TENM1: variants seen among roughly 807,000 people sequenced by gnomAD.
TENM1 encodes the protein teneurin-1.
TENM1 carries 35 observed loss-of-function variants against 174.8 expected under a neutral mutation model. The observed-to-expected ratio is 0.20, with a 90% confidence interval of 0.15 to 0.27. TENM1 has a LOEUF of 0.27. Among genes scored for constraint, TENM1 ranks in the 10% least tolerant of loss-of-function variants. The probability of loss-of-function intolerance (pLI) is 1.00; values close to 1 mark genes in which losing one functional copy is unlikely to be tolerated. For synonymous variants in TENM1, 781 were observed against 798.7 expected (o/e 0.98, Z 0.37); for missense variants, 1,633 against 2,130.1 (o/e 0.77, Z 4.59).
chrX:124,383,312 T>A (rs1244143969), intron 30 of TENM1, among the ~76,000 whole-genome samples: 1 of 111,538 alleles, frequency 9.0e-6, no homozygotes, highest in East Asian at 2.8e-4. Flanking sequence ...GAGTGTTGAT[T>A]TGTGGATAAC....
intron 14 of TENM1, among the ~76,000 whole-genome samples, chrX:124,559,597 G>C (rs1166337203): frequency 3.6e-5 from 4 of 110,665 alleles, no homozygotes; most frequent in Non-Finnish European, 7.6e-5. Context: ...GAGCTCCAGA[G>C]GCAGAGGTTG....
At chrX:124,771,579 G>T (rs1046133500) in intron 3 of TENM1, among the ~76,000 whole-genome samples, 1 of 112,461 alleles carries the variant, frequency 8.9e-6, no homozygotes. Flanking sequence ...ATCCTTAAAT[G>T]TCAGTTTAAA....
At chrX:124,683,010 C>A (rs942324939) in intron 5 of TENM1, among the ~76,000 whole-genome samples, 1 of 111,207 alleles carries the variant, frequency 9.0e-6, no homozygotes, top group Non-Finnish European at 1.9e-5. Context: ...AGGACGTTGA[C>A]AATAGAAGAA....
In TENM1 at chrX:124,788,025, C is replaced by A. The variant is rs139837970; in HGVS notation, c.536-50828G>T. On this transcript the variant is annotated intron_variant, in intron 3 of 31. Coordinates refer to ENST00000422452, the Ensembl canonical transcript of TENM1. ...GCAGCAGGCAAAAAGGGAGCTTGTG[C>A]GGGGCAACTCCCGTTTTAAAAACCA... is the stretch of plus-strand genomic sequence containing the variant. Among the ~76,000 whole-genome samples the A allele has an allele frequency of 3.8e-3, 418 of 111,274 alleles. 1 individual carries two copies. The highest frequency in any genetic ancestry group is 0.013 in the African/African-American group (386 of 30,570).
chrX:125,180,604 A>G, the TENM1 span, among the ~76,000 whole-genome samples: 1 of 110,812 alleles, frequency 9.0e-6, no homozygotes. Flanking sequence ...CTTAAGCAAG[A>G]AAGAGGTTCA....
chrX:124,957,404 C>T (rs1469548091), intron 1 of TENM1, among the ~76,000 whole-genome samples: 5 of 110,196 alleles, frequency 4.5e-5, no homozygotes, highest in African/African-American at 1.7e-4. Flanking sequence ...GCCAACATGG[C>T]GAAACTTCGT....
intron 5 of TENM1, among the ~76,000 whole-genome samples, chrX:124,695,657 C>A (rs774198062): frequency 1.8e-5 from 2 of 111,716 alleles, no homozygotes; most frequent in Admixed American, 9.5e-5. Flanking sequence ...GAACTATATT[C>A]TTTAATTTGC....
At chrX:125,091,446 A>G in the TENM1 span, among the ~76,000 whole-genome samples, 9 of 111,672 alleles carry the variant, frequency 8.1e-5, no homozygotes, top group African/African-American at 2.9e-4. Flanking sequence ...GTTCCACTAC[A>G]TTTGGACACC....
intron 23 of TENM1, among the ~76,000 whole-genome samples, chrX:124,425,031 C>T (rs1336027367): frequency 2.7e-5 from 3 of 111,525 alleles, no homozygotes; most frequent in South Asian, 3.8e-4. Flanking sequence ...TGGATTAATA[C>T]GGTGTCCTCC....
the TENM1 span, among the ~76,000 whole-genome samples, chrX:125,095,653 T>C: frequency 8.9e-6 from 1 of 111,769 alleles, no homozygotes; most frequent in East Asian, 2.8e-4. Context: ...AGACAGAAAA[T>C]TACAATACAA....
At chrX:125,058,402 C>A in the TENM1 span, among the ~76,000 whole-genome samples, 1 of 111,431 alleles carries the variant, frequency 9.0e-6, no homozygotes, top group African/African-American at 3.3e-5. Context: ...TATGGCAATG[C>A]GGCAATAACT....
intron 11 of TENM1, among the ~76,000 whole-genome samples, chrX:124,593,485 C>T (rs910007286): frequency 1.8e-5 from 2 of 111,249 alleles, no homozygotes; most frequent in Non-Finnish European, 3.8e-5. Flanking sequence ...AATTTATGTC[C>T]GTGAAGGGTG....
intron 3 of TENM1, among the ~76,000 whole-genome samples, chrX:124,772,484 T>G (rs1395607125): frequency 8.9e-6 from 1 of 111,990 alleles, no homozygotes; most frequent in African/African-American, 3.2e-5. Flanking sequence ...CGGGGTAAGA[T>G]TCAACTAGTA....
At chrX:125,036,745 A>C in the TENM1 span, among the ~76,000 whole-genome samples, 1 of 111,904 alleles carries the variant, frequency 8.9e-6, no homozygotes. Flanking sequence ...CAGCGGTACC[A>C]TCAGGCTTCC....
intron 1 of TENM1, among the ~76,000 whole-genome samples, chrX:124,912,925 A>G (rs1344441765): frequency 9.0e-6 from 1 of 111,607 alleles, no homozygotes; most frequent in Non-Finnish European, 1.9e-5. Context: ...TTGAATTATA[A>G]TTATTCATAT....
intron 3 of TENM1, among the ~76,000 whole-genome samples, chrX:124,802,591 G>A (rs1365837775): frequency 9.0e-6 from 1 of 111,300 alleles, no homozygotes; most frequent in East Asian, 2.8e-4. Flanking sequence ...ACACCACACT[G>A]TTCTTCTTTC....
intron 3 of TENM1, among the ~76,000 whole-genome samples, chrX:124,790,563 C>A (rs905596380): frequency 1.8e-5 from 2 of 111,955 alleles, no homozygotes; most frequent in African/African-American, 6.5e-5. Context: ...AGGAGTACTA[C>A]TTCTCCAATA....
intron 3 of TENM1, among the ~76,000 whole-genome samples, chrX:124,759,574 G>A (rs1020499516): frequency 9.0e-6 from 1 of 111,401 alleles, no homozygotes; most frequent in South Asian, 3.7e-4. Context: ...ACGATGTTTG[G>A]TTTTCCATTC....
chrX:125,196,215 T>C, the TENM1 span, among the ~76,000 whole-genome samples: 1 of 111,479 alleles, frequency 9.0e-6, no homozygotes, highest in African/African-American at 3.3e-5. Context: ...TTTCTTTTTT[T>C]TTTGACTTGC....
Sources: gnomAD v4.1 joint callset for allele counts (sites outside exome capture counted in the v4.1 genomes callset) on GRCh38, gnomAD v4.1.1 for gene constraint, MANE v1.5 for transcripts, NCBI Gene and HGNC (gene_info 2026-07-23, HGNC 2026-07-21) for gene names.